The following CHMP3 variants were observed in gnomAD, a reference collection of about 807,000 sequenced individuals.
CHMP3 encodes charged multivesicular body protein 3.
Under a neutral mutation model 27.4 loss-of-function variants are expected in CHMP3, and 8 were observed. That is an observed-to-expected ratio of 0.29 (90% CI 0.17 to 0.53). The LOEUF is 0.53. Among genes scored for constraint, CHMP3 ranks in the 20% least tolerant of loss-of-function variants. The pLI is 0.96. For synonymous variants in CHMP3, 86 were observed against 85.5 expected, an observed-to-expected ratio of 1.01 and a Z score of -0.03; for missense variants, 208 against 271.5, an observed-to-expected ratio of 0.77 and a Z score of 1.64.
At chr2:86,538,421 G>A (rs1318023370) in intron 2 of CHMP3, among the ~76,000 whole-genome samples, 1 of 152,134 alleles carries the variant, frequency 6.6e-6, no homozygotes, top group African/African-American at 2.4e-5. Context: ...AAGATGGTCA[G>A]CTTTATGTAA....
At chr2:86,559,344 C>A (rs934194395) in intron 1 of CHMP3, among the ~76,000 whole-genome samples, 8 of 152,176 alleles carry the variant, frequency 5.3e-5, no homozygotes, top group African/African-American at 1.9e-4. Flanking sequence ...TGAGCTACAC[C>A]ACTGGCTTCT....
At chr2:86,518,800 T>C (rs2104754793) in intron 3 of CHMP3, among the ~76,000 whole-genome samples, 2 of 152,214 alleles carry the variant, frequency 1.3e-5, no homozygotes, top group Middle Eastern at 6.8e-3. Flanking sequence ...ATCAGTGGCG[T>C]AGGCTAATAA....
chr2:86,543,071 C>T (rs182115015), intron 1 of CHMP3, among the ~76,000 whole-genome samples: 194 of 152,288 alleles, frequency 1.3e-3, no homozygotes, highest in African/African-American at 4.5e-3. Flanking sequence ...TAACTAAACT[C>T]CTTCCATTAC....
intron 2 of CHMP3, among the ~76,000 whole-genome samples, chr2:86,529,751 T>C (rs564394537): frequency 2.0e-5 from 3 of 152,322 alleles, no homozygotes; most frequent in East Asian, 1.9e-4. Context: ...TCACCAATCA[T>C]TTCTAAAAAC....
At chr2:86,549,499 G>A (rs1257828247) in intron 1 of CHMP3, among the ~76,000 whole-genome samples, 2 of 149,668 alleles carry the variant, frequency 1.3e-5, no homozygotes, top group Non-Finnish European at 3.0e-5. Flanking sequence ...CGGCCGGGCA[G>A]AGGCGCTCCT....
chr2:86,519,143 G>A (rs908072685), intron 3 of CHMP3, among the ~76,000 whole-genome samples: 3 of 152,114 alleles, frequency 2.0e-5, no homozygotes, highest in Non-Finnish European at 4.4e-5. Flanking sequence ...GGAGGCCCAG[G>A]CAGGTGGATC....
chr2:86,553,324 C>A (rs768702432), intron 1 of CHMP3, among the ~76,000 whole-genome samples: 4 of 151,898 alleles, frequency 2.6e-5, no homozygotes, highest in Non-Finnish European at 5.9e-5. Flanking sequence ...AAGTAGAAAG[C>A]AGGGGATATT....
At chr2:86,556,754 C>A (rs575012328) in intron 1 of CHMP3, among the ~76,000 whole-genome samples, 1 of 152,160 alleles carries the variant, frequency 6.6e-6, no homozygotes, top group Non-Finnish European at 1.5e-5. Flanking sequence ...ACTCGCAGCG[C>A]CGGCTTGTCA....
chr2:86,542,373 T>C, intron 1 of CHMP3, 61 bp from the exon 2 acceptor site: 1 of 1,503,242 alleles, frequency 6.7e-7, no homozygotes, highest in East Asian at 2.3e-5. Flanking sequence ...TCAATCTAAT[T>C]TAAGAATTTT....
intron 2 of CHMP3, among the ~76,000 whole-genome samples, chr2:86,540,004 G>T (rs1676300614): frequency 6.6e-6 from 1 of 151,874 alleles, no homozygotes; most frequent in Admixed American, 6.6e-5. Flanking sequence ...GTTTTGTGGG[G>T]TTTTTCTCAC....
In CHMP3 at chr2:86,542,264, T is replaced by G; in HGVS notation, c.94A>C (p.Arg32=). The G allele has an allele frequency of 1.2e-6, 2 of 1,613,590 alleles. No homozygotes were observed. The highest frequency in any genetic ancestry group is 2.7e-5 in the African/African-American group (2 of 75,030). The change falls in exon 2 of 6, where the codon AGG becomes CGG. Residue 32 remains arginine, a synonymous_variant. Transcript: ENST00000263856. ...KIRKEMRVVD[R]QIRDIQREEE... ...AATGATAACTTACCCCTTATTTGCC[T>G]GTCAACAACTCTCATTTCCTTTCTT... is the stretch of plus-strand genomic sequence containing the variant.
chr2:86,542,916 G>A (rs891008793), intron 1 of CHMP3: 2 of 152,194 alleles, frequency 1.3e-5, no homozygotes, highest in Non-Finnish European at 2.9e-5. Flanking sequence ...CAAGTGAACT[G>A]TTTTCCAATT....
At chr2:86,516,069 A>G (rs910090216) in intron 3 of CHMP3, among the ~76,000 whole-genome samples, 3 of 145,368 alleles carry the variant, frequency 2.1e-5, no homozygotes, top group African/African-American at 7.5e-5. Context: ...AATCACTTCA[A>G]CCCGGGAGGC....
intron 1 of CHMP3, among the ~76,000 whole-genome samples, chr2:86,550,373 C>T (rs572665709): frequency 1.8e-4 from 26 of 145,668 alleles, no homozygotes; most frequent in Non-Finnish European, 2.7e-4. Flanking sequence ...GAGACGGAGA[C>T]GGAGAGGAGA....
At position 86,505,507 on chromosome 2, in the gene CHMP3, G is replaced by T; in HGVS notation, c.*297C>A. 3.5e-6 allele frequency: 1 copy of T among 282,522 alleles called. No individual in the cohort carries two copies. The highest frequency in any genetic ancestry group is 6.5e-6 in the Non-Finnish European group (1 of 154,940). 17.5% of individuals were successfully genotyped at this position (282,522 alleles called of 1,614,324 possible). Reference sequence around the variant, plus strand: ...ATAGTGTTTTATAGACAAAAGTAGAGTCTTCGACATTCAGGCAATCACCTA... The same window carrying T: ...ATAGTGTTTTATAGACAAAAGTAGATTCTTCGACATTCAGGCAATCACCTA... On this transcript the variant is annotated 3_prime_UTR_variant, in exon 6 of 6. Coordinates refer to ENST00000263856, the MANE Select transcript of CHMP3 (RefSeq NM_016079.4).
chr2:86,506,410 C>T (rs941154746), intron 5 of CHMP3, among the ~76,000 whole-genome samples: 13 of 152,088 alleles, frequency 8.5e-5, no homozygotes, highest in Non-Finnish European at 1.3e-4. Flanking sequence ...TTAACCATCA[C>T]TTGGAGATTA....
intron 1 of CHMP3, chr2:86,562,242 G>A (rs1437187427): frequency 1.3e-5 from 2 of 152,166 alleles, no homozygotes; most frequent in South Asian, 2.1e-4. Context: ...TGCTAGAGCT[G>A]AACAGGTAAG....
rs756318422 is a variant in CHMP3, at chr2:86,563,360, C to T, written c.-12G>A. The T allele has an allele frequency of 1.4e-5, 23 of 1,613,534 alleles. No homozygotes were observed. Among genetic ancestry groups the T allele is most frequent in the South Asian group, 2.2e-5 (2 of 91,080 alleles). On this transcript the variant is annotated 5_prime_UTR_variant, in exon 1 of 6. Coordinates refer to ENST00000263856, the MANE Select transcript of CHMP3 (RefSeq NM_016079.4). ...CCAAACAGCCCCATGACGAACTGAA[C>T]CCGTCTTGCCCCTTCCGGCTTTCAG...
intron 3 of CHMP3, 118 bp from the exon 4 acceptor site, chr2:86,510,597 G>A (rs1675068083): frequency 7.2e-7 from 1 of 1,388,132 alleles, no homozygotes; most frequent in African/African-American, 1.4e-5. Flanking sequence ...GAAGTTATTT[G>A]TGTGCCTTTA....
Sources: gnomAD v4.1 joint callset for allele counts (sites outside exome capture counted in the v4.1 genomes callset) on GRCh38, gnomAD v4.1.1 for gene constraint, MANE v1.5 for transcripts, NCBI Gene and HGNC (gene_info 2026-07-23, HGNC 2026-07-21) for gene names.